Variants in CLCN5 observed in about 807,000 individuals in gnomAD.
CLCN5 encodes Cl-/H+ antiporter 5.
A neutral mutation model predicts 54.0 loss-of-function variants in CLCN5; 17 were observed. The observed-to-expected ratio is 0.31, with a 90% CI of 0.22 to 0.47. The LOEUF (loss-of-function observed/expected upper bound fraction) is 0.47, where lower values mean the gene tolerates loss of function less well. CLCN5 is among the 20% of genes least tolerant of loss of function. CLCN5 has a pLI of 1.00. For missense variants in CLCN5, 448 were observed against 646.7 expected, an observed-to-expected ratio of 0.69 and a Z score of 3.33; for synonymous variants, 222 against 233.0, an observed-to-expected ratio of 0.95 and a Z score of 0.43.
At chrX:50,051,408 G>A (rs1932582806) in intron 4 of CLCN5, among the ~76,000 whole-genome samples, 1 of 111,989 alleles carries the variant, frequency 8.9e-6, no homozygotes, top group Non-Finnish European at 1.9e-5. Context: ...ATACCATGCT[G>A]TCCTGATTAC....
chrX:49,983,764 C>T, intron 3 of CLCN5, among the ~76,000 whole-genome samples: 1 of 109,276 alleles, frequency 9.2e-6, no homozygotes, highest in Non-Finnish European at 1.9e-5. Flanking sequence ...TTCTGCCCTT[C>T]TAATTGTATT....
chrX:49,990,765 C>T (rs1302718532), intron 3 of CLCN5, among the ~76,000 whole-genome samples: 1 of 112,340 alleles, frequency 8.9e-6, no homozygotes, highest in African/African-American at 3.2e-5. Context: ...CCTTTGCATC[C>T]TCATTGCTTA....
chrX:50,058,133 A>G (rs1248290362), intron 4 of CLCN5, among the ~76,000 whole-genome samples: 1 of 111,681 alleles, frequency 9.0e-6, no homozygotes, highest in Non-Finnish European at 1.9e-5. Flanking sequence ...ACTGAAATAC[A>G]TTTTTTAAAG....
intron 3 of CLCN5, among the ~76,000 whole-genome samples, chrX:50,016,156 C>T (rs1387807441): frequency 9.0e-6 from 1 of 111,415 alleles, no homozygotes; most frequent in African/African-American, 3.3e-5. Flanking sequence ...ATCAGAAAGT[C>T]AGGGGTGGGG....
At chrX:50,015,563 G>C (rs1930745987) in intron 3 of CLCN5, among the ~76,000 whole-genome samples, 1 of 108,937 alleles carries the variant, frequency 9.2e-6, no homozygotes, top group African/African-American at 3.3e-5. Context: ...CTCTGTTTCA[G>C]TCTATCGCTC....
chrX:50,000,424 T>C (rs1012981691), intron 3 of CLCN5, among the ~76,000 whole-genome samples: 11 of 110,833 alleles, frequency 9.9e-5, no homozygotes, highest in Admixed American at 8.6e-4. Flanking sequence ...ATTACCCCTT[T>C]TCTGTGCATG....
At chrX:49,973,511 C>T (rs900841061) in intron 3 of CLCN5, among the ~76,000 whole-genome samples, 1 of 108,200 alleles carries the variant, frequency 9.2e-6, no homozygotes, top group Non-Finnish European at 1.9e-5. Flanking sequence ...TCCCCACTCC[C>T]CCCACCCCAC....
intron 3 of CLCN5, among the ~76,000 whole-genome samples, chrX:50,025,484 C>T (rs782759413): frequency 2.7e-5 from 3 of 110,287 alleles, no homozygotes; most frequent in Non-Finnish European, 3.8e-5. Context: ...TGTTCCTATT[C>T]GGCCATCTTG....
chrX:50,082,185 A>G lies in CLCN5; in HGVS notation c.933+338A>G, dbSNP rs182718860. ...TATATATTGACTTGGAATTCTGGCT[A>G]TGAAACACCATTTGATTTTAAAAGC... On this transcript the variant is annotated intron_variant, in intron 9 of 14. Coordinates refer to ENST00000376091, the MANE Select transcript of CLCN5 (RefSeq NM_001127898.4). 3.6e-5 allele frequency among the ~76,000 whole-genome samples: 4 copies of G among 112,285 alleles called. No homozygotes were observed. The East Asian group carries it at 8.4e-4, about 23-fold the overall frequency.
chrX:49,931,309 C>T (rs1229751567), intron 3 of CLCN5, among the ~76,000 whole-genome samples: 1 of 110,740 alleles, frequency 9.0e-6, no homozygotes, highest in African/African-American at 3.3e-5. Context: ...GTGTTTGTGT[C>T]CATGTATGGA....
At chrX:49,949,327 T>G (rs1475771182) in intron 3 of CLCN5, among the ~76,000 whole-genome samples, 2 of 112,039 alleles carry the variant, frequency 1.8e-5, no homozygotes, top group Non-Finnish European at 3.8e-5. Context: ...AAGATATCAG[T>G]AATGCTGAAG....
At chrX:50,062,671 A>G (rs1354423216) in intron 4 of CLCN5, among the ~76,000 whole-genome samples, 2 of 98,994 alleles carry the variant, frequency 2.0e-5, no homozygotes, top group Non-Finnish European at 3.9e-5. Context: ...ATAGACATCT[A>G]CAGAACACTC....
In CLCN5 at chrX:50,092,443, TATC is replaced by T. The variant is rs1557194934; in HGVS notation, c.*227_*229del. ...CTTCCATGATGTTACATTAGGAAGA[TATC>T]ATGAAAGAATAAATAAGATTGCTAT... On this transcript the variant is annotated 3_prime_UTR_variant, in exon 15 of 15. Coordinates refer to ENST00000376091, the MANE Select transcript of CLCN5 (RefSeq NM_001127898.4). The T allele has an allele frequency of 7.5e-6, 3 of 400,952 alleles. No homozygotes were observed. Among genetic ancestry groups the T allele is most frequent in the Non-Finnish European group, 1.3e-5 (3 of 229,178 alleles). 33.0% of individuals were successfully genotyped at this position (400,952 alleles called of 1,213,427 possible).
At chrX:50,014,185 G>C (rs1930666232) in intron 3 of CLCN5, among the ~76,000 whole-genome samples, 1 of 111,521 alleles carries the variant, frequency 9.0e-6, no homozygotes, top group Non-Finnish European at 1.9e-5. Context: ...TGTGCATGCT[G>C]TCTCAGTGCA....
At chrX:49,952,829 A>G (rs1557173291) in intron 3 of CLCN5, among the ~76,000 whole-genome samples, 1 of 112,317 alleles carries the variant, frequency 8.9e-6, no homozygotes, top group Non-Finnish European at 1.9e-5. Context: ...CCAGATTTAA[A>G]AAGAGAGAGA....
At position 49,990,994 on chromosome X, in the gene CLCN5, T is replaced by C. The variant is rs138545463; in HGVS notation, c.17-51322T>C. Among the ~76,000 whole-genome samples, 90 of 112,837 alleles carry C rather than the reference T, an allele frequency of 8.0e-4. No homozygotes were observed. The East Asian group carries it at 0.018, about 23-fold the overall frequency. ...TTGGGCTGGTTCCATATTTTTGCAA[T>C]TGCAAATTGTACTGCTATAACATGC... On this transcript the variant is annotated intron_variant, in intron 3 of 14. Transcript: ENST00000376091.
At chrX:50,003,057 CCTT>C (rs1184228663) in intron 3 of CLCN5, 1 of 303,767 alleles carries the variant, frequency 3.3e-6, no homozygotes, top group East Asian at 8.3e-5. Context: ...CACAAGCACA[CCTT>C]CTCATTACAG....
chrX:50,014,493 C>T (rs1253627209), intron 3 of CLCN5: 2 of 263,362 alleles, frequency 7.6e-6, no homozygotes, highest in Non-Finnish European at 1.5e-5. Context: ...ACACCCTCTC[C>T]CAACATATAC....
intron 3 of CLCN5, among the ~76,000 whole-genome samples, chrX:49,933,278 C>A (rs5906895): frequency 9.0e-6 from 1 of 111,393 alleles, no homozygotes; most frequent in Non-Finnish European, 1.9e-5. Context: ...AAATGAGTTC[C>A]TTGTCTCTCT....
Sources: gnomAD v4.1 joint callset for allele counts (sites outside exome capture counted in the v4.1 genomes callset) on GRCh38, gnomAD v4.1.1 for gene constraint, MANE v1.5 for transcripts, NCBI Gene and HGNC (gene_info 2026-07-23, HGNC 2026-07-21) for gene names.